Variants in F8 observed in about 807,000 individuals in gnomAD.
F8 encodes the protein coagulation factor VIII.
A neutral mutation model predicts 140.6 loss-of-function variants in F8; 12 were observed. The observed-to-expected ratio is 0.09, with a 90% CI of 0.05 to 0.14. F8 has a LOEUF of 0.14. Ranked by LOEUF, F8 falls within the 10% of genes least tolerant of loss-of-function variation. The probability of loss-of-function intolerance (pLI) is 1.00; values close to 1 mark genes in which losing one functional copy is unlikely to be tolerated. For missense variants in F8, 1,354 were observed against 1,720.7 expected, an observed-to-expected ratio of 0.79 and a Z score of 3.77; for synonymous variants, 585 against 614.6, an observed-to-expected ratio of 0.95 and a Z score of 0.71.
At position 154,928,722 on chromosome X, in the gene F8, C is replaced by T. The variant is rs1557278278; in HGVS notation, c.5068G>A (p.Glu1690Lys). Reference protein sequence around the residue: ...EIDYDDTISVEMKKEDFDIYD... With the variant: ...EIDYDDTISVKMKKEDFDIYD... ...ATGTCAAAATCTTCCTTCTTCATTT[C>T]AACTGATATGGTATCATCATAGTCA... The change falls in exon 14 of 26, where the codon GAA becomes AAA. Residue 1690 changes from glutamate (E) to lysine (K), a missense_variant. Transcript: ENST00000360256. 2 of 1,210,308 alleles carry T rather than the reference C, an allele frequency of 1.7e-6. No individual in the cohort carries two copies. The highest frequency in any genetic ancestry group is 4.4e-5 in the Admixed American group (2 of 45,828).
At chrX:154,841,208 CT>C (rs1168917544) in intron 25 of F8, among the ~76,000 whole-genome samples, 5,277 of 48,759 alleles carry the variant, frequency 0.11, 160 homozygotes, top group South Asian at 0.25. Context: ...TTGCTTTCTT[CT>C]TTTTTTTTTT....
rs782466224 is a variant in F8, at chrX:154,962,031, C to A, written c.1444-863G>T. Among the ~76,000 whole-genome samples the A allele has an allele frequency of 9.8e-5, 11 of 112,003 alleles. No individual in the cohort carries two copies. The South Asian group carries it at 3.7e-3, about 38-fold the overall frequency. On this transcript the variant is annotated intron_variant, in intron 9 of 25. Coordinates refer to ENST00000360256, the MANE Select transcript of F8 (RefSeq NM_000132.4). ...CATGCATCTAAATGTTAAGTCTCCACCCCAAAGTGAACATGGAATGTATGT... is the reference window on the plus strand; with the variant it reads ...CATGCATCTAAATGTTAAGTCTCCAACCCAAAGTGAACATGGAATGTATGT...
Position 154,931,306 on chromosome X carries a change from T to C in F8, c.2484A>G (p.Gln828=), listed in dbSNP as rs1603433829. ...TPHGLSLSDL[Q]EAKYETFSDD... is the part of the protein sequence containing the mutation. ...CAGAAAAAGTCTCATATTTGGCTTC[T>C]TGGAGATCAGATAAGGATAGCCCAT... The change falls in exon 14 of 26, where the codon CAA becomes CAG. Residue 828 remains glutamine, a synonymous_variant. Transcript: ENST00000360256. 8.3e-7 allele frequency: 1 copy of C among 1,211,050 alleles called. No homozygotes were observed. The highest frequency in any genetic ancestry group is 2.2e-5 in the Admixed American group (1 of 46,026).
At chrX:154,995,879 A>G (rs2073614204) in intron 3 of F8, among the ~76,000 whole-genome samples, 1 of 111,266 alleles carries the variant, frequency 9.0e-6, no homozygotes, top group African/African-American at 3.3e-5. Flanking sequence ...CAAGTGCCTG[A>G]TAGCTCATGG....
At chrX:154,936,566 T>G (rs1557279261) in intron 13 of F8, among the ~76,000 whole-genome samples, 1 of 112,264 alleles carries the variant, frequency 8.9e-6, no homozygotes, top group Admixed American at 9.5e-5. Context: ...CACCTGATTT[T>G]ATATTGCCTC....
Position 154,932,894 on chromosome X carries a change from A to G in F8, c.2114-1218T>C, listed in dbSNP as rs782563590. Reference sequence around the variant, plus strand: ...CTGTAAGCAAAAAGGAATACATTATATGATGGAACTCTTGAAAAAAAGAGG... The same window carrying G: ...CTGTAAGCAAAAAGGAATACATTATGTGATGGAACTCTTGAAAAAAAGAGG... On this transcript the variant is annotated intron_variant, in intron 13 of 25. Transcript: ENST00000360256. Among the ~76,000 whole-genome samples the G allele has an allele frequency of 7.2e-5, 8 of 111,233 alleles. No homozygotes were observed. In the South Asian group the frequency reaches 3.1e-3, roughly 42 times the overall value.
intron 9 of F8, among the ~76,000 whole-genome samples, chrX:154,964,678 C>T (rs964508720): frequency 5.4e-5 from 6 of 110,993 alleles, no homozygotes; most frequent in Non-Finnish European, 1.1e-4. Flanking sequence ...ACTTCCAGGG[C>T]AATTAGATTG....
intron 24 of F8, among the ~76,000 whole-genome samples, chrX:154,860,901 T>C (rs2072685988): frequency 8.9e-6 from 1 of 111,941 alleles, no homozygotes. Context: ...TTTCACCAGG[T>C]TGGCCAGGCT....
chrX:155,002,532 T>C (rs2073651856), intron 1 of F8, among the ~76,000 whole-genome samples: 1 of 110,296 alleles, frequency 9.1e-6, no homozygotes, highest in Non-Finnish European at 1.9e-5. Flanking sequence ...GGGACATCTG[T>C]CTTCTCCTGC....
chrX:154,841,436 G>A (rs1250240298), intron 25 of F8, among the ~76,000 whole-genome samples: 1 of 109,059 alleles, frequency 9.2e-6, no homozygotes, highest in Non-Finnish European at 1.9e-5. Context: ...GCCATTATCT[G>A]ACAGGAATGT....
At chrX:154,861,640 A>G (rs781870957) in intron 24 of F8, 78 bp downstream of exon 24, 82 of 1,116,398 alleles carry the variant, frequency 7.3e-5, no homozygotes, top group Non-Finnish European at 9.6e-5. Flanking sequence ...ACCTCAGAAG[A>G]AACAGTCAAG....
chrX:154,863,910 C>T (rs1390070710), intron 22 of F8, among the ~76,000 whole-genome samples: 1 of 111,518 alleles, frequency 9.0e-6, no homozygotes, highest in African/African-American at 3.3e-5. Context: ...GGAGGAGCAA[C>T]TCCCATTGGC....
intron 12 of F8, among the ~76,000 whole-genome samples, chrX:154,950,013 C>A (rs1009181572): frequency 3.6e-5 from 4 of 111,784 alleles, no homozygotes; most frequent in Admixed American, 9.5e-5. Context: ...GATCCGCCCG[C>A]CTTGGCCTCC....
chrX:155,015,940 C>T (rs782332501), intron 1 of F8, among the ~76,000 whole-genome samples: 100 of 112,306 alleles, frequency 8.9e-4, no homozygotes, highest in African/African-American at 3.0e-3. Context: ...ATCAGAGACA[C>T]GCAAATTAAA....
chrX:154,891,182 A>G (rs966169402), intron 22 of F8, among the ~76,000 whole-genome samples: 9 of 112,545 alleles, frequency 8.0e-5, no homozygotes, highest in African/African-American at 2.3e-4. Context: ...AAATCTGCCA[A>G]TGCTATAAAT....
intron 25 of F8, among the ~76,000 whole-genome samples, chrX:154,852,145 C>T (rs1289074713): frequency 2.7e-5 from 3 of 111,803 alleles, no homozygotes; most frequent in African/African-American, 9.8e-5. Flanking sequence ...TCATGGCTCA[C>T]TGCAGCCTCC....
Position 154,993,129 on chromosome X carries a change from C to A in F8, c.408G>T (p.Gln136His). ...CATCTTCTTTCTCCCTTTGACTGGT[C>A]TGATCATCATATTCAGCTCCTATAG... ...KASEGAEYDD[Q>H]TSQREKEDDK... Residue 136 changes from glutamine (Q) to histidine (H), a missense_variant, in exon 4 of 26, where the codon CAG (glutamine) becomes CAT (histidine). Coordinates refer to ENST00000360256, the MANE Select transcript of F8 (RefSeq NM_000132.4). 1 of 1,210,720 alleles carries A rather than the reference C, an allele frequency of 8.3e-7. No homozygotes were observed.
rs150944728 is a variant in F8 at position 154,951,356 on chromosome X, T to C, written c.1903+2536A>G. 8.7e-4 allele frequency among the ~76,000 whole-genome samples: 98 copies of C among 112,138 alleles called. 1 individual carries two copies. In the East Asian group the frequency reaches 0.024, roughly 28 times the overall value. On this transcript the variant is annotated intron_variant, in intron 12 of 25. Transcript: ENST00000360256. Reference sequence around the variant, plus strand: ...ATGTGTTTATTCTCAAATGAACTCTTTCTAAGAGGTAGCCACTATCTTGTC... The same window carrying C: ...ATGTGTTTATTCTCAAATGAACTCTCTCTAAGAGGTAGCCACTATCTTGTC...
chrX:154,967,602 G>C (rs1239297711), intron 7 of F8, among the ~76,000 whole-genome samples: 1 of 111,875 alleles, frequency 8.9e-6, no homozygotes, highest in South Asian at 3.7e-4. Context: ...GGTTCAATAA[G>C]ATAAAGCATT....
Sources: allele counts gnomAD v4.1 joint callset (sites outside exome capture counted in the v4.1 genomes callset), GRCh38; gene constraint gnomAD v4.1.1; transcripts MANE v1.5; gene names NCBI Gene and HGNC (gene_info 2026-07-23, HGNC 2026-07-21).